Variants in SLC39A11 observed in about 807,000 individuals in gnomAD.
The protein encoded by SLC39A11 is zinc transporter ZIP11.
A neutral mutation model predicts 36.1 loss-of-function variants in SLC39A11; 33 were observed. That is an observed-to-expected ratio of 0.91 (90% CI 0.69 to 1.22). The LOEUF is 1.22. Among genes scored for constraint, SLC39A11 ranks in the 50% most tolerant of loss-of-function variants. SLC39A11 has a pLI of 0.00. For missense variants in SLC39A11, 432 were observed against 430.3 expected, an observed-to-expected ratio of 1.00 and a Z score of -0.03; for synonymous variants, 166 against 170.3, an observed-to-expected ratio of 0.97 and a Z score of 0.20.
chr17:73,017,465 C>T (rs1196232591), intron 4 of SLC39A11, among the ~76,000 whole-genome samples: 3 of 152,188 alleles, frequency 2.0e-5, no homozygotes, highest in East Asian at 1.9e-4. Context: ...GGAATCTCAG[C>T]ACTTTGGGAG....
In SLC39A11 at chr17:72,739,515, C is replaced by T. The variant is rs1027284045; in HGVS notation, c.602-2796G>A. Among the ~76,000 whole-genome samples the T allele has an allele frequency of 3.3e-5, 5 of 152,284 alleles. No homozygotes were observed. The East Asian group carries it at 7.7e-4, about 23-fold the overall frequency. ...AATGTCAGGACACGGAGTCCTAGGA[C>T]AACAGAGGTGGAGGAAACTGCAGAG... On this transcript the variant is annotated intron_variant, in intron 6 of 9. Transcript: ENST00000255559.
intron 5 of SLC39A11, among the ~76,000 whole-genome samples, chr17:72,922,537 C>G (rs2083735624): frequency 6.6e-6 from 1 of 152,170 alleles, no homozygotes; most frequent in Non-Finnish European, 1.5e-5. Context: ...AGAAAGAGGC[C>G]TCGAGGAATA....
chr17:72,809,922 T>A (rs567740004), intron 6 of SLC39A11, among the ~76,000 whole-genome samples: 5 of 151,748 alleles, frequency 3.3e-5, no homozygotes, highest in Non-Finnish European at 7.4e-5. Context: ...ATACAAAAAC[T>A]AGCCAGGCGT....
intron 3 of SLC39A11, among the ~76,000 whole-genome samples, chr17:73,056,307 T>A (rs888139059): frequency 2.6e-5 from 4 of 152,306 alleles, no homozygotes; most frequent in East Asian, 1.9e-4. Context: ...TAGCTGGGAC[T>A]ATAGGCGCCA....
intron 6 of SLC39A11, among the ~76,000 whole-genome samples, chr17:72,845,488 G>A (rs1358055726): frequency 3.3e-5 from 5 of 152,116 alleles, no homozygotes; most frequent in African/African-American, 4.8e-5. Context: ...ACATCTCAAG[G>A]AGCCCCTCCC....
intron 4 of SLC39A11, among the ~76,000 whole-genome samples, chr17:73,009,594 T>G (rs2090398784): frequency 6.6e-6 from 1 of 151,936 alleles, no homozygotes; most frequent in East Asian, 1.9e-4. Context: ...TTAATAGGCA[T>G]GGGGTTTCCT....
chr17:72,896,882 A>C (rs1598321758), intron 5 of SLC39A11, among the ~76,000 whole-genome samples: 1 of 151,280 alleles, frequency 6.6e-6, no homozygotes, highest in Non-Finnish European at 1.5e-5. Context: ...GAGAAACCCC[A>C]TCTCTACTAA....
chr17:72,667,233 C>T (rs1428342436), intron 7 of SLC39A11, among the ~76,000 whole-genome samples: 1 of 152,156 alleles, frequency 6.6e-6, no homozygotes, highest in East Asian at 1.9e-4. Context: ...CCTGGACCCT[C>T]ACCCTCAAAC....
intron 5 of SLC39A11, among the ~76,000 whole-genome samples, chr17:72,880,418 A>G (rs2081135032): frequency 6.6e-6 from 1 of 152,124 alleles, no homozygotes; most frequent in Non-Finnish European, 1.5e-5. Context: ...CCCCACAAAA[A>G]AAAACCTGTT....
chr17:72,789,638 A>C (rs1343331210), intron 6 of SLC39A11, among the ~76,000 whole-genome samples: 1 of 152,244 alleles, frequency 6.6e-6, no homozygotes, highest in Non-Finnish European at 1.5e-5. Context: ...ATTTGGAAAC[A>C]TAGAACAACA....
intron 6 of SLC39A11, among the ~76,000 whole-genome samples, chr17:72,759,904 C>T (rs1043439402): frequency 2.0e-5 from 3 of 152,160 alleles, no homozygotes; most frequent in Non-Finnish European, 4.4e-5. Flanking sequence ...TAATTAGTTA[C>T]CTGTGCGGGG....
At chr17:72,896,864 C>T (rs1253583911) in intron 5 of SLC39A11, among the ~76,000 whole-genome samples, 1 of 151,596 alleles carries the variant, frequency 6.6e-6, no homozygotes, top group Non-Finnish European at 1.5e-5. Context: ...ACCAGCCTGA[C>T]CAACATGGAG....
intron 6 of SLC39A11, among the ~76,000 whole-genome samples, chr17:72,771,371 T>C (rs1007400433): frequency 5.7e-5 from 7 of 123,226 alleles, no homozygotes; most frequent in Non-Finnish European, 1.0e-4. Flanking sequence ...AAAAAAAAAA[T>C]CCTTAAACAG....
At chr17:72,960,732 G>T (rs1302158857) in intron 4 of SLC39A11, among the ~76,000 whole-genome samples, 3 of 151,898 alleles carry the variant, frequency 2.0e-5, no homozygotes, top group Admixed American at 1.3e-4. Context: ...GATCGCTTGG[G>T]CCCAACAGCT....
At chr17:72,860,745 C>T (rs1407940391) in intron 5 of SLC39A11, among the ~76,000 whole-genome samples, 1 of 152,202 alleles carries the variant, frequency 6.6e-6, no homozygotes, top group Non-Finnish European at 1.5e-5. Flanking sequence ...AAAGCAGGAA[C>T]AATGATTCTG....
intron 6 of SLC39A11, among the ~76,000 whole-genome samples, chr17:72,800,913 T>A (rs1205304448): frequency 6.6e-6 from 1 of 152,238 alleles, no homozygotes; most frequent in East Asian, 1.9e-4. Context: ...AGTATATTTC[T>A]ATCATGTCAT....
chr17:72,775,762 T>C (rs934341), intron 6 of SLC39A11, among the ~76,000 whole-genome samples: 5,620 of 152,246 alleles, frequency 0.037, 357 homozygotes, highest in African/African-American at 0.13. Flanking sequence ...ACCAAGCAGA[T>C]TCCCTTCTCT....
intron 4 of SLC39A11, among the ~76,000 whole-genome samples, chr17:73,025,857 G>T (rs1479220208): frequency 6.6e-6 from 1 of 152,202 alleles, no homozygotes; most frequent in African/African-American, 2.4e-5. Context: ...GCTCACGCCT[G>T]TAATTCCAGC....
chr17:72,681,356 A>AG (rs1314700881), intron 7 of SLC39A11, among the ~76,000 whole-genome samples: 1 of 152,194 alleles, frequency 6.6e-6, no homozygotes, highest in African/African-American at 2.4e-5. Context: ...CATGTAAGTG[A>AG]GGAGCTGCAT....
Sources: gnomAD v4.1 joint callset for allele counts (sites outside exome capture counted in the v4.1 genomes callset) on GRCh38, gnomAD v4.1.1 for gene constraint, MANE v1.5 for transcripts, NCBI Gene and HGNC (gene_info 2026-07-23, HGNC 2026-07-21) for gene names.